RAD51B: variants seen among roughly 807,000 people sequenced by gnomAD.
RAD51B encodes the protein RAD51 paralog B.
RAD51B carries 38 observed loss-of-function variants against 42.2 expected under a neutral mutation model. The ratio of observed to expected loss-of-function variants is 0.90; its 90% CI spans 0.70 to 1.18. RAD51B has a LOEUF of 1.18. RAD51B is among the 50% of genes most tolerant of loss of function. RAD51B has a pLI of 0.00. For missense variants in RAD51B, 373 were observed against 400.7 expected (o/e 0.93, Z 0.59); for synonymous variants, 154 against 145.2 (o/e 1.06, Z -0.43).
intron 11 of RAD51B, chr14:68,683,089 T>A: frequency 9.1e-6 from 3 of 327,932 alleles, no homozygotes; most frequent in African/African-American, 2.7e-5. Context: ...AAATGGGGCC[T>A]GCCAAAACGT....
intron 10 of RAD51B, among the ~76,000 whole-genome samples, chr14:68,558,765 A>G (rs1201700651): frequency 2.0e-5 from 3 of 152,184 alleles, no homozygotes; most frequent in South Asian, 4.1e-4. Flanking sequence ...CACCTACATC[A>G]TAATTACATC....
At chr14:68,468,041 T>C in intron 9 of RAD51B, 131 bp from the exon 10 acceptor site, 1 of 778,250 alleles carries the variant, frequency 1.3e-6, no homozygotes, top group East Asian at 2.6e-5. Flanking sequence ...TAAAATGGTT[T>C]TTTTTTTTTT....
At chr14:68,384,962 C>G (rs373730796) in intron 8 of RAD51B, among the ~76,000 whole-genome samples, 1 of 152,104 alleles carries the variant, frequency 6.6e-6, no homozygotes, top group East Asian at 1.9e-4. Context: ...CTGGGATGAA[C>G]GGAAAGGGCT....
intron 7 of RAD51B, among the ~76,000 whole-genome samples, chr14:68,004,663 A>C (rs117844129): frequency 9.3e-4 from 141 of 152,246 alleles, no homozygotes; most frequent in Non-Finnish European, 9.4e-4. Flanking sequence ...AGCTCAATGA[A>C]TTTTCACAAA....
chr14:68,290,103 A>G (rs751347113), intron 7 of RAD51B, among the ~76,000 whole-genome samples: 1 of 152,228 alleles, frequency 6.6e-6, no homozygotes, highest in Non-Finnish European at 1.5e-5. Context: ...TTCAGGATAC[A>G]GTGACAGAGG....
chr14:68,335,405 CT>C (rs1477214400), intron 8 of RAD51B, among the ~76,000 whole-genome samples: 2 of 152,034 alleles, frequency 1.3e-5, no homozygotes, highest in African/African-American at 4.8e-5. Context: ...CAGATAGCCA[CT>C]CTTTCAGTTG....
At chr14:68,003,684 G>A (rs28869007) in intron 7 of RAD51B, among the ~76,000 whole-genome samples, 9,010 of 152,120 alleles carry the variant, frequency 0.059, 622 homozygotes, top group African/African-American at 0.17. Context: ...TTATTTTGAG[G>A]TATGTTTCTT....
chr14:68,618,119 CAG>C (rs1891863014), intron 10 of RAD51B, among the ~76,000 whole-genome samples: 1 of 152,160 alleles, frequency 6.6e-6, no homozygotes, highest in Admixed American at 6.5e-5. Flanking sequence ...GCAATGGAGA[CAG>C]AGGCAAAAAA....
At chr14:68,037,285 G>T (rs1009289275) in intron 7 of RAD51B, among the ~76,000 whole-genome samples, 1 of 145,830 alleles carries the variant, frequency 6.9e-6, no homozygotes, top group Non-Finnish European at 1.5e-5. Context: ...GCAGTGGCAC[G>T]CTCTCGCTCA....
chr14:68,355,643 T>C lies in RAD51B; in HGVS notation c.854-55781T>C, dbSNP rs560814630. Among the ~76,000 whole-genome samples the C allele has an allele frequency of 4.3e-4, 65 of 152,336 alleles. 1 individual carries two copies. The highest frequency in any genetic ancestry group is 1.5e-3 in the African/African-American group (63 of 41,578). On this transcript the variant is annotated intron_variant, in intron 8 of 10. Coordinates refer to ENST00000471583, the MANE Select transcript of RAD51B (RefSeq NM_133510.4). Reference sequence around the variant, plus strand: ...TTCTACCAAAGTGAAAATAGAATTATTGTTATTATTGTTTTCTAGTTTTAA... The same window carrying C: ...TTCTACCAAAGTGAAAATAGAATTACTGTTATTATTGTTTTCTAGTTTTAA...
chr14:68,308,601 AGAG>A (rs1941551423), intron 8 of RAD51B, among the ~76,000 whole-genome samples: 1 of 151,778 alleles, frequency 6.6e-6, no homozygotes, highest in African/African-American at 2.4e-5. Context: ...AAAACTTTCT[AGAG>A]GAGGCTGAAT....
chr14:68,639,119 G>A (rs1198277607), intron 10 of RAD51B, among the ~76,000 whole-genome samples: 2 of 152,200 alleles, frequency 1.3e-5, no homozygotes, highest in Non-Finnish European at 2.9e-5. Context: ...GAGAGCCCAA[G>A]AACACAAAGG....
At chr14:68,050,979 TTTGA>T (rs2076383732) in intron 7 of RAD51B, among the ~76,000 whole-genome samples, 1 of 151,472 alleles carries the variant, frequency 6.6e-6, no homozygotes, top group African/African-American at 2.4e-5. Context: ...AAGGGAAAAA[TTTGA>T]TTGGATGAGC....
At chr14:67,915,830 T>A (rs914943210) in intron 7 of RAD51B, among the ~76,000 whole-genome samples, 6 of 152,248 alleles carry the variant, frequency 3.9e-5, no homozygotes, top group African/African-American at 7.2e-5. Flanking sequence ...TAATATTTCC[T>A]ATTAGAGCCT....
intron 7 of RAD51B, among the ~76,000 whole-genome samples, chr14:68,123,695 C>T (rs1016450258): frequency 6.6e-6 from 1 of 152,060 alleles, no homozygotes; most frequent in African/African-American, 2.4e-5. Flanking sequence ...GTAGTCCCAG[C>T]TACTCGGGAG....
At chr14:67,905,051 A>G (rs1048327311) in intron 7 of RAD51B, among the ~76,000 whole-genome samples, 4 of 150,722 alleles carry the variant, frequency 2.7e-5, no homozygotes, top group Non-Finnish European at 5.9e-5. Flanking sequence ...TAAGTTTTAT[A>G]TTTAAGTCTT....
intron 7 of RAD51B, among the ~76,000 whole-genome samples, chr14:67,936,646 G>T (rs2044964357): frequency 6.6e-6 from 1 of 152,186 alleles, no homozygotes; most frequent in African/African-American, 2.4e-5. Context: ...TGGCAGCTCT[G>T]TGTTTAATAA....
chr14:67,891,446 A>T (rs1274191940), intron 7 of RAD51B, among the ~76,000 whole-genome samples: 1 of 152,164 alleles, frequency 6.6e-6, no homozygotes, highest in African/African-American at 2.4e-5. Context: ...TTATGTTTAA[A>T]GCTGCTTAGA....
intron 10 of RAD51B, chr14:68,563,454 A>C (rs1427456214): frequency 1.0e-6 from 1 of 985,348 alleles, no homozygotes; most frequent in African/African-American, 1.7e-5. Flanking sequence ...ACAAGGTAAC[A>C]GAGTACACAT....
Sources: allele counts gnomAD v4.1 joint callset (sites outside exome capture counted in the v4.1 genomes callset), GRCh38; gene constraint gnomAD v4.1.1; transcripts MANE v1.5; gene names NCBI Gene and HGNC (gene_info 2026-07-23, HGNC 2026-07-21).